Variants in SYN3 observed in about 807,000 individuals in gnomAD.
SYN3 encodes the protein synapsin-3.
In SYN3, 35 loss-of-function variants were observed where a neutral mutation model predicts 65.8. The observed-to-expected ratio is 0.53, with a 90% CI of 0.41 to 0.70. The LOEUF (loss-of-function observed/expected upper bound fraction) is 0.70, where lower values mean the gene tolerates loss of function less well. SYN3 is among the 30% of genes least tolerant of loss of function. SYN3 has a pLI of 0.00. For synonymous variants in SYN3, 270 were observed against 292.9 expected (o/e 0.92, Z 0.80); for missense variants, 680 against 749.0 (o/e 0.91, Z 1.08).
rs539671276 is a variant in SYN3 at position 32,604,231 on chromosome 22, A to G, written c.712-7495T>C. 6.4e-4 allele frequency among the ~76,000 whole-genome samples: 98 copies of G among 152,334 alleles called. 1 individual carries two copies. The highest frequency in any genetic ancestry group is 2.2e-3 in the African/African-American group (92 of 41,576). ...AAAATCAAGATCGAGAAGAATCTGG[A>G]GGAAGAAATCAAGGACTGAAGTCTG... On this transcript the variant is annotated intron_variant, in intron 6 of 13. Transcript: ENST00000358763.
At chr22:32,702,760 A>G (rs1232704970) in intron 6 of SYN3, among the ~76,000 whole-genome samples, 1 of 152,232 alleles carries the variant, frequency 6.6e-6, no homozygotes, top group Non-Finnish European at 1.5e-5. Flanking sequence ...CAGTGGTTTT[A>G]AGAGTACCAT....
chr22:32,861,803 A>G (rs150204117), intron 6 of SYN3: 210 of 152,752 alleles, frequency 1.4e-3, no homozygotes, highest in African/African-American at 4.7e-3. Flanking sequence ...CACTTACTGT[A>G]TAATTTAAAA....
At chr22:32,953,828 C>A (rs1005401627) in intron 3 of SYN3, among the ~76,000 whole-genome samples, 1 of 152,122 alleles carries the variant, frequency 6.6e-6, no homozygotes, top group Non-Finnish European at 1.5e-5. Context: ...TCCTCCTCAT[C>A]CCCCTCCTCC....
chr22:32,834,327 T>TTA (rs919470081), intron 6 of SYN3, among the ~76,000 whole-genome samples: 22 of 102,336 alleles, frequency 2.1e-4, no homozygotes, highest in Non-Finnish European at 4.9e-4. Context: ...TAATTTATTT[T>TTA]TTTTTTTGTA....
chr22:32,761,024 C>T (rs1397448948), intron 6 of SYN3, among the ~76,000 whole-genome samples: 3 of 152,140 alleles, frequency 2.0e-5, no homozygotes, highest in Non-Finnish European at 4.4e-5. Context: ...GGGGAGCTCC[C>T]GGGGTACACG....
intron 6 of SYN3, among the ~76,000 whole-genome samples, chr22:32,772,429 C>T (rs138728772): frequency 2.6e-5 from 4 of 151,968 alleles, no homozygotes; most frequent in East Asian, 1.9e-4. Flanking sequence ...TGTCCCATCT[C>T]GGGCAAGCTT....
chr22:32,860,465 A>C (rs1026966028), intron 6 of SYN3: 1 of 152,678 alleles, frequency 6.5e-6, no homozygotes, highest in Admixed American at 6.5e-5. Context: ...AAATATGCCA[A>C]TAGTTTAATC....
intron 7 of SYN3, among the ~76,000 whole-genome samples, chr22:32,586,004 GTATGTATA>G (rs2059026730): frequency 7.7e-6 from 1 of 129,818 alleles, no homozygotes; most frequent in Non-Finnish European, 1.6e-5. Context: ...ATATATGTAT[GTATGTATA>G]CGTATATATG....
intron 6 of SYN3, among the ~76,000 whole-genome samples, chr22:32,698,944 T>C (rs1293781385): frequency 6.6e-6 from 1 of 152,162 alleles, no homozygotes; most frequent in East Asian, 1.9e-4. Context: ...CTTCATTTTA[T>C]CTACCCAAGG....
chr22:32,936,490 AAAAC>A (rs3071392), intron 3 of SYN3, among the ~76,000 whole-genome samples: 44 of 151,522 alleles, frequency 2.9e-4, no homozygotes, highest in African/African-American at 4.1e-4. Flanking sequence ...GAGAAAAAAT[AAAAC>A]AAACAAACAA....
chr22:32,549,623 G>A (rs1005868545), intron 7 of SYN3, among the ~76,000 whole-genome samples: 2 of 152,214 alleles, frequency 1.3e-5, no homozygotes, highest in African/African-American at 2.4e-5. Context: ...TACAGGCTGG[G>A]TGCGCAGGCT....
At chr22:32,915,629 G>A (rs549236768) in intron 4 of SYN3, among the ~76,000 whole-genome samples, 93 of 152,362 alleles carry the variant, frequency 6.1e-4, no homozygotes, top group African/African-American at 1.9e-3. Flanking sequence ...GCCCTGAGGA[G>A]AGAATATGCT....
chr22:32,824,731 C>T (rs946798097), intron 6 of SYN3, among the ~76,000 whole-genome samples: 2 of 152,168 alleles, frequency 1.3e-5, no homozygotes, highest in African/African-American at 4.8e-5. Flanking sequence ...TCCATTTCCT[C>T]TGCTTTCGAT....
chr22:32,671,673 TCTCACACAG>T (rs2060369675), intron 6 of SYN3, among the ~76,000 whole-genome samples: 15 of 142,618 alleles, frequency 1.1e-4, no homozygotes, highest in African/African-American at 4.1e-4. Context: ...TCACACACGC[TCTCACACAG>T]GTACACACAC....
At chr22:32,679,177 C>G (rs1047503966) in intron 6 of SYN3, among the ~76,000 whole-genome samples, 2 of 151,338 alleles carry the variant, frequency 1.3e-5, no homozygotes, top group East Asian at 3.9e-4. Context: ...CTCAGCCTCC[C>G]GAGTAGCTGG....
At chr22:32,817,642 C>A (rs1220223798) in intron 6 of SYN3, among the ~76,000 whole-genome samples, 1 of 152,168 alleles carries the variant, frequency 6.6e-6, no homozygotes, top group Non-Finnish European at 1.5e-5. Context: ...CACACATTTG[C>A]CAGATTTAAA....
intron 6 of SYN3, chr22:32,833,962 A>G: frequency 8.3e-6 from 4 of 481,252 alleles, no homozygotes; most frequent in South Asian, 6.0e-5. Context: ...AAAGTGGGGA[A>G]CTACCCACAT....
At chr22:32,639,713 T>C (rs1419746810) in intron 6 of SYN3, among the ~76,000 whole-genome samples, 1 of 152,120 alleles carries the variant, frequency 6.6e-6, no homozygotes, top group Non-Finnish European at 1.5e-5. Context: ...TGGCTAACTT[T>C]TAAATATTTG....
chr22:32,636,472 C>T (rs5994594), intron 6 of SYN3, among the ~76,000 whole-genome samples: 27,948 of 151,850 alleles, frequency 0.18, 2,974 homozygotes, highest in Non-Finnish European at 0.24. Context: ...CCCACCTTCA[C>T]CAGTCATTGG....
Sources: allele counts gnomAD v4.1 joint callset (sites outside exome capture counted in the v4.1 genomes callset), GRCh38; gene constraint gnomAD v4.1.1; transcripts MANE v1.5; gene names NCBI Gene and HGNC (gene_info 2026-07-23, HGNC 2026-07-21).